The following SLC7A2 variants were observed in gnomAD, a reference collection of about 807,000 sequenced individuals.
SLC7A2 encodes the protein cationic amino acid transporter 2.
SLC7A2 carries 48 observed loss-of-function variants against 58.9 expected under a neutral mutation model. The observed-to-expected ratio is 0.82, with a 90% CI of 0.65 to 1.04. The LOEUF is 1.04. Ranked by LOEUF, SLC7A2 falls within the 50% of genes least tolerant of loss-of-function variation. The pLI is 0.00. For missense variants in SLC7A2, 1,029 were observed against 818.8 expected (o/e 1.26, Z -3.13); for synonymous variants, 363 against 314.5 (o/e 1.15, Z -1.63).
intron 2 of SLC7A2, among the ~76,000 whole-genome samples, chr8:17,533,952 C>T (rs1336568815): frequency 2.0e-5 from 3 of 151,836 alleles, no homozygotes; most frequent in Non-Finnish European, 4.4e-5. Flanking sequence ...GTGTGTTGTT[C>T]CCCTCCCTAT....
Position 17,554,652 on chromosome 8 carries a change from A to C in SLC7A2, c.1148A>C (p.Lys383Thr), listed in dbSNP as rs752868216. ...AAATGTCTAGCTCAAATCAATTCCAAAACGAAGACACCAATAATTGCTACT... is the reference window on the plus strand; with the variant it reads ...AAATGTCTAGCTCAAATCAATTCCACAACGAAGACACCAATAATTGCTACT... ...LFKCLAQINS[K>T]TKTPIIATLS... Residue 383 changes from lysine to threonine, a missense_variant, in exon 8 of 13, where the codon AAA (lysine) becomes ACA (threonine). By Grantham distance (78) the Lys-to-Thr change is moderately conservative. Coordinates refer to ENST00000494857, the MANE Select transcript of SLC7A2 (RefSeq NM_001370338.1). 1.2e-6 allele frequency: 2 copies of C among 1,613,428 alleles called. No individual in the cohort carries two copies. Among genetic ancestry groups the C allele is most frequent in the East Asian group, 2.2e-5 (1 of 44,844 alleles).
At chr8:17,525,791 T>C (rs1343666705) in intron 2 of SLC7A2, among the ~76,000 whole-genome samples, 2 of 152,194 alleles carry the variant, frequency 1.3e-5, no homozygotes, top group African/African-American at 4.8e-5. Flanking sequence ...CGGGATTTGC[T>C]GAAACCTTCC....
At chr8:17,531,788 C>T (rs1801461131) in intron 2 of SLC7A2, among the ~76,000 whole-genome samples, 1 of 151,646 alleles carries the variant, frequency 6.6e-6, no homozygotes, top group Non-Finnish European at 1.5e-5. Flanking sequence ...TGCAAAAATT[C>T]AAGATCTTTT....
intron 2 of SLC7A2, among the ~76,000 whole-genome samples, chr8:17,527,579 C>T (rs1002338785): frequency 3.9e-5 from 6 of 152,188 alleles, no homozygotes; most frequent in Non-Finnish European, 8.8e-5. Context: ...TGTCTGTGCT[C>T]CTTCTGAAAC....
intron 2 of SLC7A2, chr8:17,511,272 A>T (rs554241664): frequency 4.6e-5 from 7 of 152,356 alleles, no homozygotes; most frequent in African/African-American, 1.7e-4. Flanking sequence ...AATTAAAAAA[A>T]AAATCTATAG....
At chr8:17,507,146 T>C (rs902137844) in intron 2 of SLC7A2, among the ~76,000 whole-genome samples, 2 of 151,898 alleles carry the variant, frequency 1.3e-5, no homozygotes, top group African/African-American at 2.4e-5. Flanking sequence ...GGGGTTTTAC[T>C]ATGTTGGCCA....
At chr8:17,530,186 C>G (rs1801389188) in intron 2 of SLC7A2, among the ~76,000 whole-genome samples, 1 of 152,150 alleles carries the variant, frequency 6.6e-6, no homozygotes, top group Admixed American at 6.5e-5. Flanking sequence ...CCCCTGCCCC[C>G]CATCCCCGGT....
rs905360079 is a variant in SLC7A2, at chr8:17,570,477, A to G, written c.*5331A>G. On this transcript the variant is annotated 3_prime_UTR_variant, in exon 13 of 13. Coordinates refer to ENST00000494857, the MANE Select transcript of SLC7A2 (RefSeq NM_001370338.1). ...TTATAAAGTTGGATTCTTTTTTAGA[A>G]TTTGTAATAAATAAAAACTGCTGCT... The G allele has an allele frequency of 6.6e-6, 1 of 152,570 alleles. No homozygotes were observed. The highest frequency in any genetic ancestry group is 2.4e-5 in the African/African-American group (1 of 41,430). The allele number at this position is 152,570 out of a possible 1,614,324, so 9.5% of individuals were successfully genotyped here. A position where few individuals can be genotyped will look rare whatever the true frequency, so the allele number is the denominator to read the frequency against.
In SLC7A2 at chr8:17,517,783, T is replaced by C. The variant is rs149887597; in HGVS notation, c.-23+15481T>C. 1.7e-4 allele frequency among the ~76,000 whole-genome samples: 26 copies of C among 152,294 alleles called. No homozygotes were observed. In the East Asian group the frequency reaches 2.5e-3, roughly 15 times the overall value. ...TTCAAATATATTTTTGGTAACATCT[T>C]GATGACCTTCAAATTTTCTTTCATC... On this transcript the variant is annotated intron_variant, in intron 2 of 12. Transcript: ENST00000494857.
chr8:17,522,263 G>A (rs1012218434), intron 2 of SLC7A2, among the ~76,000 whole-genome samples: 64 of 152,024 alleles, frequency 4.2e-4, no homozygotes, highest in African/African-American at 1.5e-3. Context: ...ATCAAATCTC[G>A]TGAGACTTAT....
rs1451564279 is a variant in SLC7A2 at position 17,570,314 on chromosome 8, G to A, written c.*5168G>A. ...ATTGCAGTACTTAATAAAAATTGTT[G>A]ATAGGGCCCAAAACCCTACAGAAAT... On this transcript the variant is annotated 3_prime_UTR_variant, in exon 13 of 13. Transcript: ENST00000494857. 6.6e-6 allele frequency: 1 copy of A among 152,444 alleles called. No individual in the cohort carries two copies. Among genetic ancestry groups the A allele is most frequent in the East Asian group, 1.9e-4 (1 of 5,182 alleles). The allele number at this position is 152,444 out of a possible 1,614,324, so 9.4% of individuals were successfully genotyped here.
intron 4 of SLC7A2, 28 bp downstream of exon 4, chr8:17,544,634 A>C (rs776344204): frequency 6.2e-6 from 10 of 1,602,850 alleles, no homozygotes; most frequent in African/African-American, 2.7e-5. Context: ...GAGTCTCTGC[A>C]GAATGAGCCA....
intron 7 of SLC7A2, among the ~76,000 whole-genome samples, chr8:17,553,586 C>T (rs574201320): frequency 2.2e-4 from 34 of 152,208 alleles, no homozygotes; most frequent in Non-Finnish European, 4.7e-4. Flanking sequence ...GCCTGGGCAA[C>T]GTAGCAAGGC....
chr8:17,499,426 C>G (rs1029613596), intron 1 of SLC7A2, among the ~76,000 whole-genome samples: 2 of 150,586 alleles, frequency 1.3e-5, no homozygotes, highest in Non-Finnish European at 2.9e-5. Flanking sequence ...CCCCCCTTCT[C>G]TCTCTGTGTG....
chr8:17,537,169 G>A (rs1801703671), intron 2 of SLC7A2, among the ~76,000 whole-genome samples: 1 of 152,180 alleles, frequency 6.6e-6, no homozygotes, highest in African/African-American at 2.4e-5. Context: ...CAATTCTCCT[G>A]CCTTAGCCTC....
chr8:17,543,851 G>A, intron 3 of SLC7A2, 136 bp downstream of exon 3: 2 of 697,108 alleles, frequency 2.9e-6, no homozygotes, highest in Non-Finnish European at 4.1e-6. Flanking sequence ...TCTCGAAAAT[G>A]TCTCCTTCTA....
chr8:17,504,130 G>A (rs1800276140), intron 2 of SLC7A2, among the ~76,000 whole-genome samples: 1 of 152,228 alleles, frequency 6.6e-6, no homozygotes, highest in Non-Finnish European at 1.5e-5. Flanking sequence ...GGCATTGGTA[G>A]AAGAATAACA....
intron 2 of SLC7A2, among the ~76,000 whole-genome samples, chr8:17,535,774 G>A (rs1801638028): frequency 6.6e-6 from 1 of 151,954 alleles, no homozygotes; most frequent in African/African-American, 2.4e-5. Context: ...GTGGTGGTGG[G>A]CGCCTGTAGT....
intron 2 of SLC7A2, among the ~76,000 whole-genome samples, chr8:17,503,024 A>G (rs1800225279): frequency 6.6e-6 from 1 of 151,984 alleles, no homozygotes; most frequent in Non-Finnish European, 1.5e-5. Flanking sequence ...TTTTGCTTCA[A>G]GTAGAAAACA....
Sources: allele counts gnomAD v4.1 joint callset (sites outside exome capture counted in the v4.1 genomes callset), GRCh38; gene constraint gnomAD v4.1.1; transcripts MANE v1.5; gene names NCBI Gene and HGNC (gene_info 2026-07-23, HGNC 2026-07-21).